The following DEUP1 variants were observed in gnomAD, a reference collection of about 807,000 sequenced individuals.
DEUP1 encodes the protein deuterosome assembly protein 1, also known as coiled-coil domain containing 67.
A neutral mutation model predicts 87.4 loss-of-function variants in DEUP1; 82 were observed. That is an observed-to-expected ratio of 0.94 (90% CI 0.78 to 1.13). The LOEUF is 1.13. Among genes scored for constraint, DEUP1 ranks in the 50% most tolerant of loss-of-function variants. The pLI, the probability that DEUP1 is intolerant of heterozygous loss-of-function variation, is 0.00. For synonymous variants in DEUP1, 214 were observed against 222.7 expected, an observed-to-expected ratio of 0.96 and a Z score of 0.35; for missense variants, 663 against 681.5, an observed-to-expected ratio of 0.97 and a Z score of 0.30.
intron 2 of DEUP1, among the ~76,000 whole-genome samples, chr11:93,340,474 A>C (rs56091149): frequency 0.16 from 24,456 of 152,182 alleles, 2,131 homozygotes; most frequent in Non-Finnish European, 0.2. Flanking sequence ...GACCTTAGTC[A>C]AGGCTTCAGA....
chr11:93,348,690 C>T (rs1944479814), intron 2 of DEUP1, among the ~76,000 whole-genome samples: 1 of 152,216 alleles, frequency 6.6e-6, no homozygotes, highest in Non-Finnish European at 1.5e-5. Flanking sequence ...TTTTCCCCCA[C>T]AAACTTGTTT....
At chr11:93,355,894 G>C (rs1944871392) in intron 3 of DEUP1, among the ~76,000 whole-genome samples, 1 of 152,212 alleles carries the variant, frequency 6.6e-6, no homozygotes, top group African/African-American at 2.4e-5. Context: ...ACAAGGCAGA[G>C]TTCAGTAACA....
At chr11:93,392,943 C>T (rs1048100082) in intron 9 of DEUP1, among the ~76,000 whole-genome samples, 1 of 89,954 alleles carries the variant, frequency 1.1e-5, no homozygotes, top group Non-Finnish European at 2.6e-5. Context: ...CTTCCTCCTC[C>T]TCCTCCCTCC....
At chr11:93,396,865 T>C (rs1358785802) in intron 11 of DEUP1, among the ~76,000 whole-genome samples, 3 of 152,164 alleles carry the variant, frequency 2.0e-5, no homozygotes. Flanking sequence ...GAGAAATAAA[T>C]GAATTATTCA....
intron 12 of DEUP1, among the ~76,000 whole-genome samples, chr11:93,413,441 AC>A (rs1947507842): frequency 2.0e-5 from 3 of 152,024 alleles, no homozygotes; most frequent in Admixed American, 2.0e-4. Context: ...ACGGGGTTTC[AC>A]CATGTTAGCC....
At chr11:93,400,499 T>A (rs1947080757) in intron 11 of DEUP1, among the ~76,000 whole-genome samples, 1 of 152,172 alleles carries the variant, frequency 6.6e-6, no homozygotes. Context: ...TTTCCCATTT[T>A]ATAGGATGCT....
chr11:93,420,021 T>G (rs1947819400), intron 13 of DEUP1, among the ~76,000 whole-genome samples: 1 of 152,038 alleles, frequency 6.6e-6, no homozygotes, highest in South Asian at 2.1e-4. Context: ...CTGAAACCAT[T>G]CCAATCAATA....
At chr11:93,355,615 T>C in intron 3 of DEUP1, 73 bp downstream of exon 3, 1 of 1,321,442 alleles carries the variant, frequency 7.6e-7, no homozygotes, top group South Asian at 1.6e-5. Context: ...AGAATATGTT[T>C]TTATTATACA....
rs1565308960 is a variant in DEUP1 at position 93,364,155 on chromosome 11, TAC to T, written c.298-3_298-2del. 1.9e-6 allele frequency: 3 copies of T among 1,559,086 alleles called. No homozygotes were observed. In the South Asian group the frequency reaches 3.4e-5, roughly 18 times the overall value. ...TAAAATGTTAACATTTTCTGTGATT[TAC>T]AGTTTTCCAAACTAACAAATAACTT... On this transcript the variant is annotated splice_polypyrimidine_tract_variant and splice_region_variant and intron_variant, in intron 4 of 13. Coordinates refer to ENST00000298050, the MANE Select transcript of DEUP1 (RefSeq NM_181645.4).
At chr11:93,352,336 A>G (rs981993391) in intron 2 of DEUP1, 33 of 702,334 alleles carry the variant, frequency 4.7e-5, no homozygotes, top group African/African-American at 4.4e-4. Context: ...CTACCTGCTT[A>G]TCCAGTCTGA....
chr11:93,386,549 T>C (rs1452628280), intron 8 of DEUP1, among the ~76,000 whole-genome samples: 1 of 152,206 alleles, frequency 6.6e-6, no homozygotes, highest in African/African-American at 2.4e-5. Context: ...GTTATATTGT[T>C]TTAAAGGCAA....
intron 8 of DEUP1, among the ~76,000 whole-genome samples, chr11:93,385,789 C>A (rs932456466): frequency 2.0e-5 from 3 of 152,034 alleles, no homozygotes; most frequent in African/African-American, 7.2e-5. Flanking sequence ...CTGAGTCAGA[C>A]CTGGTGGCTC....
chr11:93,399,978 T>C (rs937901898), intron 11 of DEUP1, among the ~76,000 whole-genome samples: 9 of 152,150 alleles, frequency 5.9e-5, no homozygotes, highest in African/African-American at 2.2e-4. Context: ...AGTTATATCT[T>C]TTTCTATTTT....
At chr11:93,400,091 G>C (rs965111225) in intron 11 of DEUP1, among the ~76,000 whole-genome samples, 3 of 152,108 alleles carry the variant, frequency 2.0e-5, no homozygotes, top group African/African-American at 7.2e-5. Flanking sequence ...ATGTGTAATA[G>C]ACTATGGTTA....
chr11:93,366,924 T>G (rs1945447288), intron 5 of DEUP1, among the ~76,000 whole-genome samples: 1 of 152,186 alleles, frequency 6.6e-6, no homozygotes, highest in Admixed American at 6.5e-5. Flanking sequence ...AAACAGAAAT[T>G]TTTTAAATCT....
chr11:93,415,394 G>T (rs1395058312), intron 13 of DEUP1, among the ~76,000 whole-genome samples: 1 of 151,922 alleles, frequency 6.6e-6, no homozygotes, highest in African/African-American at 2.4e-5. Context: ...CGAGTGCTTG[G>T]GACTCACCCT....
At chr11:93,431,523 G>A (rs1265529796) in intron 13 of DEUP1, among the ~76,000 whole-genome samples, 5 of 152,138 alleles carry the variant, frequency 3.3e-5, no homozygotes, top group African/African-American at 7.2e-5. Flanking sequence ...TAAAGTTTCA[G>A]TTAGGAAAAT....
chr11:93,369,223 C>T (rs1945581094), intron 5 of DEUP1, among the ~76,000 whole-genome samples: 2 of 152,110 alleles, frequency 1.3e-5, no homozygotes, highest in Non-Finnish European at 2.9e-5. Flanking sequence ...GAGCTTCACT[C>T]TCATGACTTA....
At chr11:93,339,522 A>T (rs1289396833) in intron 2 of DEUP1, among the ~76,000 whole-genome samples, 1 of 152,238 alleles carries the variant, frequency 6.6e-6, no homozygotes, top group East Asian at 1.9e-4. Flanking sequence ...CTTATAAAGG[A>T]CAGCTAGTCA....
Sources: gnomAD v4.1 joint callset for allele counts (sites outside exome capture counted in the v4.1 genomes callset) on GRCh38, gnomAD v4.1.1 for gene constraint, MANE v1.5 for transcripts, NCBI Gene and HGNC (gene_info 2026-07-23, HGNC 2026-07-21) for gene names.